The following CDK5RAP2 variants were observed in gnomAD, a reference collection of about 807,000 sequenced individuals.
CDK5RAP2 encodes the protein CDK5 regulatory subunit-associated protein 2.
CDK5RAP2 carries 147 observed loss-of-function variants against 232.9 expected under a neutral mutation model. The observed-to-expected ratio is 0.63, with a 90% CI of 0.55 to 0.72. The LOEUF is 0.72. Among genes scored for constraint, CDK5RAP2 ranks in the 30% least tolerant of loss-of-function variants. The probability of loss-of-function intolerance (pLI) is 0.00; values close to 1 mark genes in which losing one functional copy is unlikely to be tolerated. For missense variants in CDK5RAP2, 2,195 were observed against 2,231.5 expected (o/e 0.98, Z 0.33); for synonymous variants, 833 against 833.7 (o/e 1.00, Z 0.01).
intron 26 of CDK5RAP2, among the ~76,000 whole-genome samples, chr9:120,420,849 G>T (rs1423683376): frequency 6.6e-6 from 1 of 152,210 alleles, no homozygotes; most frequent in Non-Finnish European, 1.5e-5. Context: ...TGCAGCATGG[G>T]CCAAGGGCAC....
At chr9:120,462,899 G>A (rs1405347921) in intron 18 of CDK5RAP2, among the ~76,000 whole-genome samples, 1 of 152,168 alleles carries the variant, frequency 6.6e-6, no homozygotes, top group Non-Finnish European at 1.5e-5. Flanking sequence ...AAGTACTTGG[G>A]GGAAGTATAC....
chr9:120,418,676 A>G (rs1422294309), intron 27 of CDK5RAP2, among the ~76,000 whole-genome samples: 1 of 152,206 alleles, frequency 6.6e-6, no homozygotes, highest in African/African-American at 2.4e-5. Flanking sequence ...AAAAACTGCA[A>G]AGAGATACAG....
At chr9:120,554,951 A>G (rs946940831) in intron 3 of CDK5RAP2, among the ~76,000 whole-genome samples, 1 of 152,096 alleles carries the variant, frequency 6.6e-6, no homozygotes, top group African/African-American at 2.4e-5. Context: ...TGAAACGTTT[A>G]AAGTCAAGTG....
chr9:120,389,347 G>A (rs1384036052), intron 37 of CDK5RAP2, 55 bp from the exon 38 acceptor site: 1 of 1,396,886 alleles, frequency 7.2e-7, no homozygotes, highest in Non-Finnish European at 1.0e-6. Flanking sequence ...GGTTTCTGAA[G>A]TAAGACCCCG....
At chr9:120,565,869 G>A (rs1379134496) in intron 3 of CDK5RAP2, among the ~76,000 whole-genome samples, 1 of 152,166 alleles carries the variant, frequency 6.6e-6, no homozygotes, top group Non-Finnish European at 1.5e-5. Flanking sequence ...TTCCCAATCA[G>A]ACTGTGAGCC....
intron 3 of CDK5RAP2, among the ~76,000 whole-genome samples, chr9:120,558,402 A>G (rs1209533397): frequency 1.4e-5 from 2 of 147,594 alleles, no homozygotes; most frequent in Non-Finnish European, 1.5e-5. Context: ...AAAAAAAAAG[A>G]ATTTCTTTAA....
rs1564186514 is a variant in CDK5RAP2 at position 120,413,812 on chromosome 9, AGG to A, written c.4297+1226_4297+1227del. On this transcript the variant is annotated intron_variant, in intron 28 of 37. Transcript: ENST00000349780. Reference sequence around the variant, plus strand: ...CAGGAAATGGGCGCAGTGAGCGAGGAGGGAGGAGGGAGGAGGGAGGAGGGAGG... The same window carrying A: ...CAGGAAATGGGCGCAGTGAGCGAGGAGAGGAGGGAGGAGGGAGGAGGGAGG... Among the ~76,000 whole-genome samples the A allele has an allele frequency of 1.9e-3, 199 of 107,108 alleles. 1 individual carries two copies. Among genetic ancestry groups the A allele is most frequent in the Middle Eastern group, 4.2e-3 (1 of 236 alleles). The allele number at this position is 107,108 out of a possible 152,430, so 70.3% of individuals were successfully genotyped here. A position where few individuals can be genotyped will look rare whatever the true frequency, so the allele number is the denominator to read the frequency against.
At chr9:120,501,778 C>A (rs2039586093) in intron 12 of CDK5RAP2, among the ~76,000 whole-genome samples, 1 of 152,208 alleles carries the variant, frequency 6.6e-6, no homozygotes, top group South Asian at 2.1e-4. Context: ...ACCTGGGCCA[C>A]ATGGAGCAGA....
intron 12 of CDK5RAP2, among the ~76,000 whole-genome samples, chr9:120,494,859 G>A (rs1377922057): frequency 2.6e-5 from 3 of 117,106 alleles, no homozygotes; most frequent in African/African-American, 4.3e-5. Context: ...TGGTTGGCGC[G>A]GCTGCGCTGC....
intron 3 of CDK5RAP2, among the ~76,000 whole-genome samples, chr9:120,559,500 A>G (rs1303478824): frequency 6.7e-6 from 1 of 148,734 alleles, no homozygotes; most frequent in Non-Finnish European, 1.5e-5. Context: ...AAAAAAAAAA[A>G]AAAAAAAAGA....
At chr9:120,413,934 G>C (rs775591056) in intron 28 of CDK5RAP2, among the ~76,000 whole-genome samples, 1 of 152,110 alleles carries the variant, frequency 6.6e-6, no homozygotes, top group African/African-American at 2.4e-5. Context: ...TGTCCCTCCC[G>C]GCTGGTAGCT....
intron 12 of CDK5RAP2, among the ~76,000 whole-genome samples, chr9:120,493,578 A>G (rs1177948893): frequency 2.0e-5 from 3 of 152,264 alleles, no homozygotes; most frequent in African/African-American, 2.4e-5. Flanking sequence ...ATGATGTAAC[A>G]TTGCCAAAAA....
chr9:120,452,505 A>T (rs1032416362), intron 21 of CDK5RAP2, among the ~76,000 whole-genome samples: 1 of 152,064 alleles, frequency 6.6e-6, no homozygotes, highest in African/African-American at 2.4e-5. Flanking sequence ...GAATATCAAC[A>T]GCCTTCACTG....
chr9:120,400,644 T>C, intron 35 of CDK5RAP2, 98 bp downstream of exon 35: 2 of 1,448,284 alleles, frequency 1.4e-6, no homozygotes, highest in Non-Finnish European at 9.6e-7. Context: ...CCCCAAATGG[T>C]GGGCACATCT....
chr9:120,458,381 A>T lies in CDK5RAP2; in HGVS notation c.2375+69T>A, dbSNP rs573872883. Reference sequence around the variant, plus strand: ...TTACACAGCACGATCATCTAAACCCATTTAGCAAAATGAGTTTGTTCTCCC... The same window carrying T: ...TTACACAGCACGATCATCTAAACCCTTTTAGCAAAATGAGTTTGTTCTCCC... On this transcript the variant is annotated intron_variant, in intron 20 of 37. Transcript: ENST00000349780. 3.6e-3 allele frequency: 5,390 copies of T among 1,479,738 alleles called. 19 individuals carry two copies. The highest frequency in any genetic ancestry group is 4.6e-3 in the Non-Finnish European group (4,851 of 1,059,806). The allele number at this position is 1,479,738 out of a possible 1,614,324, so 91.7% of individuals were successfully genotyped here.
intron 25 of CDK5RAP2, among the ~76,000 whole-genome samples, chr9:120,429,313 C>A (rs1187403739): frequency 1.3e-5 from 2 of 151,834 alleles, no homozygotes; most frequent in African/African-American, 4.8e-5. Flanking sequence ...AAGAGGAAGT[C>A]AAATTGTCCC....
chr9:120,432,428 AT>A (rs1266639400), intron 25 of CDK5RAP2, among the ~76,000 whole-genome samples: 1 of 152,134 alleles, frequency 6.6e-6, no homozygotes, highest in African/African-American at 2.4e-5. Flanking sequence ...CTTTGTATTA[AT>A]TTTTTTAAAG....
intron 7 of CDK5RAP2, among the ~76,000 whole-genome samples, chr9:120,531,364 C>T (rs931370690): frequency 1.3e-5 from 2 of 151,980 alleles, no homozygotes; most frequent in African/African-American, 2.4e-5. Context: ...CCCCTAGTGC[C>T]CCACTCAGGA....
intron 3 of CDK5RAP2, among the ~76,000 whole-genome samples, chr9:120,563,698 T>C (rs144307686): frequency 6.6e-6 from 1 of 151,632 alleles, no homozygotes; most frequent in East Asian, 1.9e-4. Flanking sequence ...CTCAAATCCA[T>C]GTCGTATCTA....
Sources: allele counts gnomAD v4.1 joint callset (sites outside exome capture counted in the v4.1 genomes callset), GRCh38; gene constraint gnomAD v4.1.1; transcripts MANE v1.5; gene names NCBI Gene and HGNC (gene_info 2026-07-23, HGNC 2026-07-21).